The following FIRRM variants were observed in gnomAD, a reference collection of about 807,000 sequenced individuals.
The protein encoded by FIRRM is FIGNL1-interacting regulator of recombination and mitosis.
chr1:169,827,730 G>A, the FIRRM span: 5 of 1,614,084 alleles, frequency 3.1e-6, no homozygotes, highest in South Asian at 3.3e-5. Context: ...GTGAACTGCA[G>A]TTTCCACAAT....
chr1:169,844,420 A>G, the FIRRM span, among the ~76,000 whole-genome samples: 25 of 152,378 alleles, frequency 1.6e-4, no homozygotes, highest in East Asian at 4.4e-3. Context: ...ATTAAGAGTT[A>G]GCTTAAGCTC....
chr1:169,852,575 A>AAGAC, the FIRRM span: 231 of 569,384 alleles, frequency 4.1e-4, no homozygotes, highest in African/African-American at 4.2e-3. Flanking sequence ...CATACAAACT[A>AAGAC]AGACACTGGT....
At chr1:169,816,199 A>G in the FIRRM span, among the ~76,000 whole-genome samples, 5 of 88,900 alleles carry the variant, frequency 5.6e-5, no homozygotes, top group African/African-American at 9.9e-5. Context: ...AAGGCTTTCC[A>G]TGAACTGGGC....
chr1:169,836,794 G>C, the FIRRM span: 7 of 599,770 alleles, frequency 1.2e-5, no homozygotes, highest in Non-Finnish European at 2.0e-5. Flanking sequence ...ACCTTGGTCT[G>C]GAATGTAGAT....
At chr1:169,820,250 C>T in the FIRRM span, among the ~76,000 whole-genome samples, 1 of 152,152 alleles carries the variant, frequency 6.6e-6, no homozygotes, top group Non-Finnish European at 1.5e-5. Context: ...GTGAGGAGCT[C>T]AGGGAGGCCT....
chr1:169,853,772 C>T, the FIRRM span: 1 of 1,613,820 alleles, frequency 6.2e-7, no homozygotes, highest in Non-Finnish European at 8.5e-7. Context: ...TCAGCCTCTC[C>T]CTGCAACAAA....
At chr1:169,802,324 A>G in the FIRRM span, among the ~76,000 whole-genome samples, 1 of 152,192 alleles carries the variant, frequency 6.6e-6, no homozygotes, top group Non-Finnish European at 1.5e-5. Flanking sequence ...TATTTTTTGC[A>G]TCTCTAAAAC....
chr1:169,786,801 C>T, the FIRRM span, among the ~76,000 whole-genome samples: 1 of 151,994 alleles, frequency 6.6e-6, no homozygotes, highest in South Asian at 2.1e-4. Flanking sequence ...ATAAAATTTT[C>T]AGGATCTTAC....
At chr1:169,796,467 T>G in the FIRRM span, among the ~76,000 whole-genome samples, 1 of 152,228 alleles carries the variant, frequency 6.6e-6, no homozygotes, top group Non-Finnish European at 1.5e-5. Flanking sequence ...TTCATCTGAG[T>G]AAATGGTTTC....
chr1:169,840,511 CT>C, the FIRRM span, among the ~76,000 whole-genome samples: 763 of 141,474 alleles, frequency 5.4e-3, 2 homozygotes, highest in African/African-American at 0.012. Flanking sequence ...TTTCTTTTTT[CT>C]TTTTTTTTTT....
the FIRRM span, among the ~76,000 whole-genome samples, chr1:169,846,798 G>A: frequency 1.3e-5 from 2 of 152,112 alleles, no homozygotes; most frequent in Non-Finnish European, 2.9e-5. Context: ...GACTTTCCGT[G>A]TTCATTGGAA....
the FIRRM span, chr1:169,802,577 G>T: frequency 1.5e-6 from 2 of 1,346,394 alleles, no homozygotes; most frequent in Non-Finnish European, 2.1e-6. Flanking sequence ...GTCTTTTCTA[G>T]TGATTTCTCT....
chr1:169,834,007 C>T, the FIRRM span, among the ~76,000 whole-genome samples: 1 of 151,666 alleles, frequency 6.6e-6, no homozygotes, highest in Non-Finnish European at 1.5e-5. Context: ...TTCCTTTTAA[C>T]CTCAATTTTC....
At chr1:169,843,699 A>G in the FIRRM span, 1 of 1,613,152 alleles carries the variant, frequency 6.2e-7, no homozygotes, top group African/African-American at 1.3e-5. Context: ...TATGTTCAAC[A>G]GACATTCAGC....
the FIRRM span, among the ~76,000 whole-genome samples, chr1:169,816,908 A>T: frequency 6.6e-6 from 1 of 152,236 alleles, no homozygotes; most frequent in South Asian, 2.1e-4. Flanking sequence ...TATTGCACTT[A>T]TGCAAATAAC....
chr1:169,789,305 G>A, the FIRRM span, among the ~76,000 whole-genome samples: 22 of 152,234 alleles, frequency 1.4e-4, no homozygotes, highest in Middle Eastern at 6.8e-3. Flanking sequence ...TACTATGGAC[G>A]GCATTGAAAA....
the FIRRM span, among the ~76,000 whole-genome samples, chr1:169,819,789 A>C: frequency 3.9e-5 from 6 of 152,164 alleles, no homozygotes; most frequent in African/African-American, 1.2e-4. Context: ...AGAAAGAAAA[A>C]TTCAAGACAG....
chr1:169,834,284 G>A, the FIRRM span, among the ~76,000 whole-genome samples: 2 of 151,998 alleles, frequency 1.3e-5, no homozygotes, highest in African/African-American at 4.8e-5. Flanking sequence ...TTTTCTTTAT[G>A]TACAAGTTAT....
chr1:169,788,710 C>T, the FIRRM span, among the ~76,000 whole-genome samples: 2 of 152,142 alleles, frequency 1.3e-5, no homozygotes, highest in Admixed American at 6.5e-5. Context: ...AGTATCCCTG[C>T]GTCAAATCTT....
Sources: gnomAD v4.1 joint callset for allele counts (sites outside exome capture counted in the v4.1 genomes callset) on GRCh38, gnomAD v4.1.1 for gene constraint, MANE v1.5 for transcripts, NCBI Gene and HGNC (gene_info 2026-07-23, HGNC 2026-07-21) for gene names.